The following ADCY3 variants were observed in gnomAD, a reference collection of about 807,000 sequenced individuals.
ADCY3 encodes the protein adenylate cyclase type 3.
In ADCY3, 70 loss-of-function variants were observed where a neutral mutation model predicts 119.4. The observed-to-expected ratio is 0.59, with a 90% CI of 0.48 to 0.72. The LOEUF (loss-of-function observed/expected upper bound fraction) is 0.72, where lower values mean the gene tolerates loss of function less well. Ranked by LOEUF, ADCY3 falls within the 30% of genes least tolerant of loss-of-function variation. ADCY3 has a pLI of 0.00. For synonymous variants in ADCY3, 672 were observed against 621.4 expected, an observed-to-expected ratio of 1.08 and a Z score of -1.21; for missense variants, 1,238 against 1,541.6, an observed-to-expected ratio of 0.80 and a Z score of 3.30.
At chr2:24,888,694 A>G (rs1677343038) in intron 2 of ADCY3, among the ~76,000 whole-genome samples, 1 of 152,204 alleles carries the variant, frequency 6.6e-6, no homozygotes, top group South Asian at 2.1e-4. Context: ...TCATATGTAT[A>G]TATGTATTTT....
intron 2 of ADCY3, among the ~76,000 whole-genome samples, chr2:24,876,803 C>G (rs938137815): frequency 2.6e-5 from 4 of 152,188 alleles, no homozygotes; most frequent in Non-Finnish European, 5.9e-5. Flanking sequence ...TGAACCCTAG[C>G]GAGAATCTGA....
intron 12 of ADCY3, among the ~76,000 whole-genome samples, chr2:24,831,183 T>G (rs1669446553): frequency 6.6e-6 from 1 of 151,956 alleles, no homozygotes; most frequent in Non-Finnish European, 1.5e-5. Context: ...GCGAGCCACC[T>G]GTCAGATTTA....
At chr2:24,838,723 C>T (rs1670622139) in intron 7 of ADCY3, 101 bp from the exon 8 acceptor site, 3 of 1,589,166 alleles carry the variant, frequency 1.9e-6, no homozygotes, top group East Asian at 2.2e-5. Flanking sequence ...GCTGCTCGGC[C>T]CCGTGTCTCT....
intron 7 of ADCY3, chr2:24,839,036 G>T: frequency 2.1e-6 from 1 of 482,214 alleles, no homozygotes; most frequent in Non-Finnish European, 3.5e-6. Flanking sequence ...TCTGCCTCCC[G>T]GGTTCAAGCA....
In ADCY3 at chr2:24,834,713, A is replaced by G; in HGVS notation, c.1806-67T>C. On this transcript the variant is annotated intron_variant, in intron 10 of 21. Transcript: ENST00000679454. The surrounding 1 kb of genome is among the most constrained non-coding windows in gnomAD (Gnocchi z 4.2). ...TGCCTTGGCCTAGCAGGGGGGCCGT[A>G]TTTGGGATGCTCAGTTTCCTGAATC... 6.2e-7 allele frequency: 1 copy of G among 1,602,896 alleles called. No individual in the cohort carries two copies. Among genetic ancestry groups the G allele is most frequent in the Non-Finnish European group, 8.5e-7 (1 of 1,171,256 alleles).
chr2:24,884,471 C>CTTTTTTTTTTTT (rs1201387570), intron 2 of ADCY3, among the ~76,000 whole-genome samples: 3 of 97,860 alleles, frequency 3.1e-5, no homozygotes, highest in African/African-American at 9.7e-5. Context: ...TTCTAATAAT[C>CTTTTTTTTTTTT]TTTTTTTTTT....
intron 3 of ADCY3, among the ~76,000 whole-genome samples, chr2:24,863,148 A>C (rs972805898): frequency 6.6e-6 from 1 of 152,224 alleles, no homozygotes; most frequent in African/African-American, 2.4e-5. Context: ...ATTGGATTGA[A>C]GGATACAAAG....
intron 2 of ADCY3, among the ~76,000 whole-genome samples, chr2:24,894,844 T>C (rs1200922305): frequency 6.6e-6 from 1 of 152,090 alleles, no homozygotes; most frequent in Non-Finnish European, 1.5e-5. Context: ...AAAGTGTTTA[T>C]TTCACCTTCA....
At chr2:24,855,709 C>T (rs545807190) in intron 3 of ADCY3, among the ~76,000 whole-genome samples, 1 of 152,204 alleles carries the variant, frequency 6.6e-6, no homozygotes, top group Non-Finnish European at 1.5e-5. Context: ...AAGCAAGAAC[C>T]TGCCCAGATC....
At chr2:24,846,825 C>T (rs1029283343) in intron 3 of ADCY3, among the ~76,000 whole-genome samples, 4 of 152,156 alleles carry the variant, frequency 2.6e-5, no homozygotes, top group Non-Finnish European at 4.4e-5. Flanking sequence ...GTGATTCACT[C>T]GCCTCAGCCT....
chr2:24,904,851 G>A (rs576247758), intron 2 of ADCY3, among the ~76,000 whole-genome samples: 1 of 152,136 alleles, frequency 6.6e-6, no homozygotes, highest in East Asian at 2.0e-4. Context: ...ATGTTGACCA[G>A]GCTGGTCTTG....
At position 24,847,920 on chromosome 2, in the gene ADCY3, C is replaced by A. The variant is rs1488913680; in HGVS notation, c.826-5536G>T. 9.8e-5 allele frequency among the ~76,000 whole-genome samples: 15 copies of A among 152,314 alleles called. No homozygotes were observed. The East Asian group carries it at 2.9e-3, about 29-fold the overall frequency. On this transcript the variant is annotated intron_variant, in intron 3 of 21. Coordinates refer to ENST00000679454, the MANE Select transcript of ADCY3 (RefSeq NM_004036.5). ...GGGCTGGGTTTCTCTGGTCAGTAAT[C>A]CCGGGGATCCCAGCCCGCACTGGAG...
intron 2 of ADCY3, among the ~76,000 whole-genome samples, chr2:24,905,635 T>C (rs1291019408): frequency 1.3e-5 from 2 of 152,152 alleles, no homozygotes; most frequent in East Asian, 3.9e-4. Flanking sequence ...CCTTGAGACA[T>C]CCTGGAAGAA....
chr2:24,851,070 A>G (rs974026909), intron 3 of ADCY3, among the ~76,000 whole-genome samples: 1 of 152,200 alleles, frequency 6.6e-6, no homozygotes, highest in Non-Finnish European at 1.5e-5. Flanking sequence ...GGAAATAAAC[A>G]TGGAACTTCC....
chr2:24,851,881 C>T (rs185858955), intron 3 of ADCY3, among the ~76,000 whole-genome samples: 53 of 152,276 alleles, frequency 3.5e-4, no homozygotes, highest in South Asian at 6.2e-4. Flanking sequence ...TTGTCTCGCG[C>T]GTTGTTCCAT....
chr2:24,909,698 G>A lies in ADCY3; in HGVS notation c.675+8615C>T, dbSNP rs565419528. On this transcript the variant is annotated intron_variant, in intron 2 of 21. Transcript: ENST00000679454. ...ATTTCTAACTTTTGAAGCATTCTGT[G>A]GTCACAGAGTATTTTGGACCCTACC... Among the ~76,000 whole-genome samples, 5 of 152,232 alleles carry A rather than the reference G, an allele frequency of 3.3e-5. 1 individual carries two copies. The South Asian group carries it at 1.0e-3, about 32-fold the overall frequency.
chr2:24,852,906 C>A (rs1158549369), intron 3 of ADCY3, among the ~76,000 whole-genome samples: 1 of 152,134 alleles, frequency 6.6e-6, no homozygotes, highest in Non-Finnish European at 1.5e-5. Context: ...CCGTGCTCAT[C>A]AGGGTGGGGA....
intron 6 of ADCY3, 125 bp from the exon 7 acceptor site, chr2:24,840,156 T>G (rs1670828691): frequency 2.3e-6 from 3 of 1,297,920 alleles, no homozygotes; most frequent in South Asian, 1.4e-5. Flanking sequence ...CCTGGCAAGG[T>G]CCCCACAGCT....
Position 24,822,760 on chromosome 2 carries a change from T to TA in ADCY3, c.2884-131dup, listed in dbSNP as rs1331439901. ...ACACTTTCCTATCAAAGTTGTTACT[T>TA]AGTCTACCGCTTATCTGCCACATGA... On this transcript the variant is annotated intron_variant, in intron 18 of 21. Coordinates refer to ENST00000679454, the MANE Select transcript of ADCY3 (RefSeq NM_004036.5). 8.7e-6 allele frequency: 11 copies of TA among 1,264,374 alleles called. 2 individuals are homozygous for TA. In the Admixed American group the frequency reaches 2.4e-4, roughly 28 times the overall value. 78.3% of individuals were successfully genotyped at this position (1,264,374 alleles called of 1,614,324 possible).
Sources: gnomAD v4.1 joint callset for allele counts (sites outside exome capture counted in the v4.1 genomes callset) on GRCh38, gnomAD v4.1.1 for gene constraint, Gnocchi (gnomAD v3.1) non-coding constraint, MANE v1.5 for transcripts, NCBI Gene and HGNC (gene_info 2026-07-23, HGNC 2026-07-21) for gene names.